TLE2: variants seen among roughly 807,000 people sequenced by gnomAD.
TLE2 encodes transducin-like enhancer protein 2.
In TLE2, 74 loss-of-function variants were observed where a neutral mutation model predicts 97.2. That is an observed-to-expected ratio of 0.76 (90% CI 0.63 to 0.92). The LOEUF (loss-of-function observed/expected upper bound fraction) is 0.92, where lower values mean the gene tolerates loss of function less well. Ranked by LOEUF, TLE2 falls within the 40% of genes least tolerant of loss-of-function variation. TLE2 has a pLI of 0.00. For missense variants in TLE2, 1,038 were observed against 1,008.7 expected (o/e 1.03, Z -0.39); for synonymous variants, 499 against 432.1 (o/e 1.15, Z -1.92).
Position 3,021,414 on chromosome 19 carries a change from G to A in TLE2, c.295-1641C>T, listed in dbSNP as rs1012347963. On this transcript the variant is annotated intron_variant, in intron 5 of 19. Transcript: ENST00000262953. ...GCGAGACTCAGTCTCAAAAAAAAAAGAAAGAAAGAAAATGTTGTATTTTTG... is the reference window on the plus strand; with the variant it reads ...GCGAGACTCAGTCTCAAAAAAAAAAAAAAGAAAGAAAATGTTGTATTTTTG... 5.9e-5 allele frequency among the ~76,000 whole-genome samples: 9 copies of A among 151,620 alleles called. No homozygotes were observed. The South Asian group carries it at 1.5e-3, about 25-fold the overall frequency.
intron 1 of TLE2, among the ~76,000 whole-genome samples, chr19:3,035,195 T>C (rs1043765130): frequency 6.6e-6 from 1 of 152,218 alleles, no homozygotes; most frequent in Non-Finnish European, 1.5e-5. Flanking sequence ...GCGGGTGGAA[T>C]TTGGGGAGAC....
At chr19:3,010,983 G>C in intron 12 of TLE2, 39 bp downstream of exon 12, 1 of 1,583,110 alleles carries the variant, frequency 6.3e-7, no homozygotes, top group Non-Finnish European at 8.6e-7. Context: ...CCAGAGACGA[G>C]GCCTGCTCCA....
intron 1 of TLE2, among the ~76,000 whole-genome samples, chr19:3,043,664 G>A (rs2090121505): frequency 6.7e-6 from 1 of 150,372 alleles, no homozygotes; most frequent in Non-Finnish European, 1.5e-5. Flanking sequence ...AAAAAAATTA[G>A]CCAGGCATGG....
intron 1 of TLE2, among the ~76,000 whole-genome samples, chr19:3,043,129 GT>G (rs1568257372): frequency 6.7e-6 from 1 of 150,146 alleles, no homozygotes; most frequent in East Asian, 2.0e-4. Context: ...ACAGCTTTTT[GT>G]TTTTTGTTAT....
intron 14 of TLE2, among the ~76,000 whole-genome samples, chr19:3,008,594 G>C (rs962185789): frequency 1.3e-5 from 2 of 152,224 alleles, no homozygotes; most frequent in East Asian, 3.9e-4. Flanking sequence ...GGGATTACAG[G>C]TGCCCGCCAC....
At chr19:3,024,941 G>T in intron 5 of TLE2, 79 bp downstream of exon 5, 1 of 1,265,158 alleles carries the variant, frequency 7.9e-7, no homozygotes, top group Non-Finnish European at 1.1e-6. Flanking sequence ...AGTGCCTGGG[G>T]CGTCCTCGCC....
chr19:3,021,312 G>A (rs1385428304), intron 5 of TLE2, among the ~76,000 whole-genome samples: 1 of 151,608 alleles, frequency 6.6e-6, no homozygotes, highest in African/African-American at 2.4e-5. Flanking sequence ...GGCTGGGGCA[G>A]GAGAAACACT....
At chr19:3,038,377 T>A (rs1316092080) in intron 1 of TLE2, among the ~76,000 whole-genome samples, 1 of 152,054 alleles carries the variant, frequency 6.6e-6, no homozygotes, top group East Asian at 1.9e-4. Flanking sequence ...CTCAGCTAAT[T>A]TAAAAAAAAT....
At chr19:3,046,098 A>G (rs1391278384), upstream of TLE2, among the ~76,000 whole-genome samples, 1 of 152,162 alleles carries the variant, frequency 6.6e-6, no homozygotes, top group East Asian at 1.9e-4. Context: ...TAGGGGGGCA[A>G]AGAGGTCCCT....
chr19:3,040,947 T>A (rs2090095432), intron 1 of TLE2, among the ~76,000 whole-genome samples: 1 of 140,516 alleles, frequency 7.1e-6, no homozygotes, highest in African/African-American at 2.6e-5. Flanking sequence ...CATGGTACTG[T>A]CACCAACCCC....
chr19:3,027,259 G>A (rs1287886243), intron 4 of TLE2, among the ~76,000 whole-genome samples: 1 of 152,258 alleles, frequency 6.6e-6, no homozygotes, highest in Non-Finnish European at 1.5e-5. Context: ...TCAAAGCCCT[G>A]AAGACAGCCA....
chr19:2,998,891 T>C (rs2089287277), intron 19 of TLE2, among the ~76,000 whole-genome samples: 1 of 152,226 alleles, frequency 6.6e-6, no homozygotes, highest in South Asian at 2.1e-4. Flanking sequence ...GGCAATGGCT[T>C]AGACCAGGGA....
upstream of TLE2, among the ~76,000 whole-genome samples, chr19:3,046,932 G>GCCTCCC (rs1555696151): frequency 1.0e-5 from 1 of 100,406 alleles, no homozygotes; most frequent in Admixed American, 9.9e-5. Flanking sequence ...CCCCTCCTCT[G>GCCTCCC]CCTCCCCCTC....
intron 1 of TLE2, among the ~76,000 whole-genome samples, chr19:3,038,958 G>A (rs983860883): frequency 1.3e-5 from 2 of 151,880 alleles, no homozygotes; most frequent in Non-Finnish European, 1.5e-5. Flanking sequence ...CAGGAGAATC[G>A]CTTGAACCCG....
chr19:3,013,376 A>C (rs3760961), intron 11 of TLE2, among the ~76,000 whole-genome samples: 1 of 151,704 alleles, frequency 6.6e-6, no homozygotes, highest in Non-Finnish European at 1.5e-5. Context: ...GTTTATTTCC[A>C]TGGGATTTCC....
At position 3,005,576 on chromosome 19, in the gene TLE2, T is replaced by A; in HGVS notation, c.1757A>T (p.Gln586Leu). The A allele has an allele frequency of 6.2e-7, 1 of 1,612,996 alleles. No homozygotes were observed. Among genetic ancestry groups the A allele is most frequent in the Non-Finnish European group, 8.5e-7 (1 of 1,179,532 alleles). Residue 586 changes from glutamine (Q) to leucine (L), a missense_variant, in exon 17 of 20, where the codon CAG (glutamine) becomes CTG (leucine). Coordinates refer to ENST00000262953, the MANE Select transcript of TLE2 (RefSeq NM_003260.5). ...GCAGCTGGCGCCGTCCGTGTGGCCC[T>A]GGAACTGCCTGGAGGGAGAAGGGCC... is the stretch of plus-strand genomic sequence containing the variant. Reference protein sequence around the residue: ...LQNQTMVRQFQGHTDGASCID... With the variant: ...LQNQTMVRQFLGHTDGASCID...
intron 7 of TLE2, among the ~76,000 whole-genome samples, chr19:3,018,626 T>C (rs2089767362): frequency 6.7e-6 from 1 of 150,006 alleles, no homozygotes; most frequent in Non-Finnish European, 1.5e-5. Flanking sequence ...TTTATTTTAA[T>C]TTTTTTGAGA....
intron 9 of TLE2, among the ~76,000 whole-genome samples, chr19:3,014,848 T>G (rs2089668868): frequency 6.6e-6 from 1 of 151,948 alleles, no homozygotes; most frequent in Non-Finnish European, 1.5e-5. Context: ...CTTTGAAGGA[T>G]GTGGACTACA....
At chr19:3,013,841 G>C in intron 10 of TLE2, 23 bp from the exon 11 acceptor site, 4 of 1,496,726 alleles carry the variant, frequency 2.7e-6, no homozygotes, top group South Asian at 2.8e-5. Context: ...AGGTGACGTT[G>C]AGCAGAGTTG....
Sources: allele counts gnomAD v4.1 joint callset (sites outside exome capture counted in the v4.1 genomes callset), GRCh38; gene constraint gnomAD v4.1.1; transcripts MANE v1.5; gene names NCBI Gene and HGNC (gene_info 2026-07-23, HGNC 2026-07-21).